KANSL1: variants seen among roughly 807,000 people sequenced by gnomAD.
The protein encoded by KANSL1 is MLL1/MLL complex subunit KANSL1.
A neutral mutation model predicts 103.6 loss-of-function variants in KANSL1; 22 were observed. The observed-to-expected ratio is 0.21, with a 90% CI of 0.15 to 0.30. The LOEUF (loss-of-function observed/expected upper bound fraction) is 0.30. Ranked by LOEUF, KANSL1 falls within the 10% of genes least tolerant of loss-of-function variation. KANSL1 has a pLI of 1.00. For missense variants in KANSL1, 1,337 were observed against 1,399.8 expected (o/e 0.96, Z 0.72); for synonymous variants, 600 against 527.6 (o/e 1.14, Z -1.88).
At chr17:46,062,118 C>CAAACAA (rs1568403417) in intron 6 of KANSL1, among the ~76,000 whole-genome samples, 2 of 108,778 alleles carry the variant, frequency 1.8e-5, no homozygotes, top group African/African-American at 7.1e-5. Flanking sequence ...AACAAACAAA[C>CAAACAA]AAAAAAAAAA....
chr17:46,085,010 G>C (rs2146853255), intron 3 of KANSL1, among the ~76,000 whole-genome samples: 1 of 152,206 alleles, frequency 6.6e-6, no homozygotes, highest in Non-Finnish European at 1.5e-5. Flanking sequence ...CCTGTACAAA[G>C]CATGCCAAAA....
chr17:46,143,914 A>C (rs1380637270), intron 2 of KANSL1, among the ~76,000 whole-genome samples: 2 of 152,200 alleles, frequency 1.3e-5, no homozygotes, highest in African/African-American at 4.8e-5. Context: ...AGAGCTAGTA[A>C]AATTATGGAG....
At chr17:46,038,280 C>A in intron 10 of KANSL1, 1 of 511,890 alleles carries the variant, frequency 2.0e-6, no homozygotes, top group Non-Finnish European at 3.5e-6. Flanking sequence ...AGAGTTTGTC[C>A]CTGCATCAAG....
chr17:46,090,969 C>T (rs1598595211), intron 3 of KANSL1, among the ~76,000 whole-genome samples: 2 of 152,194 alleles, frequency 1.3e-5, no homozygotes, highest in African/African-American at 4.8e-5. Flanking sequence ...CTATACTATA[C>T]TTTTAATCGT....
intron 2 of KANSL1, among the ~76,000 whole-genome samples, chr17:46,147,076 A>AG (rs1315684294): frequency 6.6e-6 from 1 of 152,134 alleles, no homozygotes; most frequent in African/African-American, 2.4e-5. Flanking sequence ...AAATTTTAAA[A>AG]GGGGGTAAAG....
chr17:46,083,940 T>C (rs757106011), intron 3 of KANSL1, among the ~76,000 whole-genome samples: 4 of 152,086 alleles, frequency 2.6e-5, no homozygotes, highest in Non-Finnish European at 5.9e-5. Context: ...AAATACAAGC[T>C]GCAGAAAAGG....
At chr17:46,148,694 C>T (rs918696382) in intron 2 of KANSL1, among the ~76,000 whole-genome samples, 43 of 151,370 alleles carry the variant, frequency 2.8e-4, no homozygotes, top group Admixed American at 2.6e-4. Context: ...TCAATTGATT[C>T]TCCTGCCTCA....
At position 46,122,051 on chromosome 17, in the gene KANSL1, G is replaced by A. The variant is rs114214474; in HGVS notation, c.1290-27350C>T. ...AAAGTACAGTTTCCAGTTTTCACAC[G>A]ATAATAAAGTTGAAAAACCATAATT... On this transcript the variant is annotated intron_variant, in intron 2 of 14. Transcript: ENST00000432791. Among the ~76,000 whole-genome samples, 1,278 of 152,248 alleles carry A rather than the reference G, an allele frequency of 8.4e-3. 17 individuals carry two copies. Among genetic ancestry groups the A allele is most frequent in the African/African-American group, 0.03 (1,227 of 41,518 alleles).
intron 2 of KANSL1, 56 bp downstream of exon 2, chr17:46,170,799 A>G: frequency 6.7e-7 from 1 of 1,495,578 alleles, no homozygotes. Flanking sequence ...CGATTCATTC[A>G]TTCTTCCTTG....
intron 2 of KANSL1, among the ~76,000 whole-genome samples, chr17:46,115,462 A>G (rs1306578210): frequency 6.6e-6 from 1 of 152,142 alleles, no homozygotes; most frequent in African/African-American, 2.4e-5. Flanking sequence ...CAACAGTTCT[A>G]TATTACCCCC....
chr17:46,036,404 T>A (rs2077149501), intron 10 of KANSL1, among the ~76,000 whole-genome samples: 1 of 150,204 alleles, frequency 6.7e-6, no homozygotes, highest in African/African-American at 2.4e-5. Flanking sequence ...TTCAACCAAT[T>A]GTGGATTGAA....
rs2077233312 is a variant in KANSL1 at position 46,039,042 on chromosome 17, A to T, written c.2377T>A (p.Ser793Thr). 1 of 1,611,290 alleles carries T rather than the reference A, an allele frequency of 6.2e-7. No homozygotes were observed. The highest frequency in any genetic ancestry group is 8.5e-7 in the Non-Finnish European group (1 of 1,179,688). ...CTGGCCCTACCTTCACTTCTCTCAGATGAATGGTCTCGCAATCTCATTTTG... is the reference window on the plus strand; with the variant it reads ...CTGGCCCTACCTTCACTTCTCTCAGTTGAATGGTCTCGCAATCTCATTTTG... ...HSKMRLRDHS[S>T]ERSEVLKHHT... The change falls in exon 9 of 15, where the codon TCT becomes ACT. Residue 793 changes from serine (S) to threonine (T), a missense_variant. Physicochemically the swap from Ser to Thr is moderately conservative, Grantham distance 58. This residue lies in a region of KANSL1 where 780 missense variants were observed against 923.4 expected (regional missense o/e 0.84). Coordinates refer to ENST00000432791, the MANE Select transcript of KANSL1 (RefSeq NM_015443.4).
At chr17:46,200,697 A>C (rs1429892052) in intron 1 of KANSL1, among the ~76,000 whole-genome samples, 1 of 152,112 alleles carries the variant, frequency 6.6e-6, no homozygotes, top group East Asian at 1.9e-4. Flanking sequence ...AGCGGAGATC[A>C]CGCCAGTGCA....
chr17:46,121,895 G>A (rs2043297406), intron 2 of KANSL1, among the ~76,000 whole-genome samples: 1 of 152,054 alleles, frequency 6.6e-6, no homozygotes, highest in African/African-American at 2.4e-5. Flanking sequence ...CTACCTTAAC[G>A]TGCTCAGAAC....
chr17:46,086,106 G>A (rs1010160244), intron 3 of KANSL1, among the ~76,000 whole-genome samples: 1 of 152,034 alleles, frequency 6.6e-6, no homozygotes, highest in Non-Finnish European at 1.5e-5. Context: ...ATTATAGCCA[G>A]AAGATAAATA....
intron 3 of KANSL1, chr17:46,092,981 T>C (rs1350858396): frequency 1.3e-5 from 2 of 152,202 alleles, no homozygotes. Context: ...GGAACTAAGA[T>C]GATATAACAT....
intron 4 of KANSL1, among the ~76,000 whole-genome samples, chr17:46,077,851 C>T (rs895391414): frequency 6.6e-6 from 1 of 152,204 alleles, no homozygotes; most frequent in Non-Finnish European, 1.5e-5. Context: ...AGCCACCGTG[C>T]TCGGCCTAAA....
At chr17:46,162,428 G>A (rs1272451350) in intron 2 of KANSL1, among the ~76,000 whole-genome samples, 1 of 152,144 alleles carries the variant, frequency 6.6e-6, no homozygotes. Context: ...GACACTCCAG[G>A]TATACCCAAC....
chr17:46,142,347 G>C (rs991818837), intron 2 of KANSL1, among the ~76,000 whole-genome samples: 1 of 152,206 alleles, frequency 6.6e-6, no homozygotes, highest in African/African-American at 2.4e-5. Flanking sequence ...TGGCACAGTG[G>C]CTCATGCCTG....
Sources: gnomAD v4.1 joint callset for allele counts (sites outside exome capture counted in the v4.1 genomes callset) on GRCh38, gnomAD v4.1.1 for gene constraint, gnomAD v4.1.1 regional missense constraint, MANE v1.5 for transcripts, NCBI Gene and HGNC (gene_info 2026-07-23, HGNC 2026-07-21) for gene names.